ELSPBP1: variants seen among roughly 807,000 people sequenced by gnomAD.
The protein encoded by ELSPBP1 is epididymal sperm binding protein 1, also known as epididymal sperm-binding protein 1.
A neutral mutation model predicts 33.3 loss-of-function variants in ELSPBP1; 38 were observed. The ratio of observed to expected loss-of-function variants is 1.14; its 90% CI spans 0.88 to 1.50. The LOEUF (loss-of-function observed/expected upper bound fraction) is 1.50, where lower values mean the gene tolerates loss of function less well. ELSPBP1 is among the 40% of genes most tolerant of loss of function. The probability of loss-of-function intolerance (pLI) is 0.00; values close to 1 mark genes in which losing one functional copy is unlikely to be tolerated. For missense variants in ELSPBP1, 267 were observed against 263.5 expected, an observed-to-expected ratio of 1.01 and a Z score of -0.09; for synonymous variants, 85 against 94.1, an observed-to-expected ratio of 0.90 and a Z score of 0.56.
intron 1 of ELSPBP1, among the ~76,000 whole-genome samples, chr19:48,007,275 T>C (rs918597225): frequency 2.6e-5 from 4 of 152,138 alleles, no homozygotes; most frequent in Admixed American, 2.0e-4. Flanking sequence ...GCCTAAGAAC[T>C]CTGACACTAG....
In ELSPBP1 at chr19:48,011,107, AATG is replaced by A. The variant is rs1283778837; in HGVS notation, c.70+2377_70+2379del. ...TGACAACAATAATAGCGACAATGAC[AATG>A]ATGATGGTGACAGTGATGATGATGA... On this transcript the variant is annotated intron_variant, in intron 2 of 6. Transcript: ENST00000339841. This position sits in a 1 kb window ranked among gnomAD's most constrained non-coding sequence, Gnocchi z 4.5. Among the ~76,000 whole-genome samples the A allele has an allele frequency of 2.0e-5, 3 of 151,328 alleles. No individual in the cohort carries two copies. Among genetic ancestry groups the A allele is most frequent in the African/African-American group, 7.3e-5 (3 of 41,028 alleles).
intron 2 of ELSPBP1, among the ~76,000 whole-genome samples, chr19:48,012,440 T>C (rs1454692498): frequency 6.6e-6 from 1 of 152,028 alleles, no homozygotes; most frequent in Non-Finnish European, 1.5e-5. Flanking sequence ...TTTTGATATA[T>C]TTCAGGGACC....
intron 5 of ELSPBP1, among the ~76,000 whole-genome samples, chr19:48,021,688 C>T (rs1395040269): frequency 6.6e-6 from 1 of 151,808 alleles, no homozygotes; most frequent in African/African-American, 2.4e-5. Context: ...GACCTCAAGT[C>T]ATCTGCCTGC....
intron 1 of ELSPBP1, among the ~76,000 whole-genome samples, chr19:48,007,137 T>C (rs1967029016): frequency 6.6e-6 from 1 of 152,126 alleles, no homozygotes; most frequent in Non-Finnish European, 1.5e-5. Context: ...ACTAACGATC[T>C]ACAAGTGAAA....
At chr19:48,010,824 T>G (rs564947871) in intron 2 of ELSPBP1, among the ~76,000 whole-genome samples, 4 of 152,276 alleles carry the variant, frequency 2.6e-5, no homozygotes, top group African/African-American at 9.6e-5. Flanking sequence ...GTTAAGAAGA[T>G]TAGGCCATCT....
At chr19:48,018,621 T>A (rs1301579547) in intron 4 of ELSPBP1, among the ~76,000 whole-genome samples, 1 of 152,204 alleles carries the variant, frequency 6.6e-6, no homozygotes, top group Admixed American at 6.5e-5. Context: ...TAAATGTGAT[T>A]ATTAGCCCAG....
Position 48,008,718 on chromosome 19 carries a change from T to G in ELSPBP1, c.51T>G (p.Tyr17Ter). The G allele has an allele frequency of 6.2e-7, 1 of 1,613,808 alleles. No homozygotes were observed. Residue 17 changes from tyrosine (Y) to a stop codon, truncating the protein, a stop_gained, in exon 2 of 7, where the codon TAT becomes TAG. Transcript: ENST00000339841. LOFTEE classifies it high-confidence loss of function. ...YLLGWTTFLL[Y>*]SYESSGGMHE... ...TGGGATGGACAACCTTCCTTCTCTA[T>G]TCCTATGAGTCAAGTGGAGGTAAGG...
intron 3 of ELSPBP1, among the ~76,000 whole-genome samples, chr19:48,015,686 T>A (rs1395775006): frequency 6.6e-6 from 1 of 151,950 alleles, no homozygotes; most frequent in African/African-American, 2.4e-5. Flanking sequence ...GAAAAGAAAC[T>A]CACATATAAG....
intron 2 of ELSPBP1, among the ~76,000 whole-genome samples, chr19:48,013,196 T>A (rs1216366560): frequency 6.6e-6 from 1 of 152,194 alleles, no homozygotes; most frequent in Admixed American, 6.5e-5. Flanking sequence ...CAAAAAGTAT[T>A]TTGTGTAATG....
rs570694848 is a variant in ELSPBP1, at chr19:48,013,809, G to A, written c.71-362G>A. ...TAAATTTCTGTCTCCCAGTTCTGGAGGCTGAGAAGTCCAAGGGCAAGTCAC... is the reference window on the plus strand; with the variant it reads ...TAAATTTCTGTCTCCCAGTTCTGGAAGCTGAGAAGTCCAAGGGCAAGTCAC... On this transcript the variant is annotated intron_variant, in intron 2 of 6. Coordinates refer to ENST00000339841, the MANE Select transcript of ELSPBP1 (RefSeq NM_022142.5). Among the ~76,000 whole-genome samples, 5 of 152,272 alleles carry A rather than the reference G, an allele frequency of 3.3e-5. No homozygotes were observed. In the East Asian group the frequency reaches 9.7e-4, roughly 29 times the overall value.
chr19:48,015,799 G>C, intron 3 of ELSPBP1, 94 bp from the exon 4 acceptor site: 1 of 1,221,896 alleles, frequency 8.2e-7, no homozygotes, highest in Non-Finnish European at 1.2e-6. Context: ...CCTTATGTCT[G>C]TCCTGTCCTA....
chr19:48,022,179 C>T lies in ELSPBP1; in HGVS notation c.524C>T (p.Ala175Val), dbSNP rs758594292. Residue 175 changes from alanine (A) to valine (V), a missense_variant, in exon 6 of 7, where the codon GCG becomes GTG. Coordinates refer to ENST00000339841, the MANE Select transcript of ELSPBP1 (RefSeq NM_022142.5). Reference protein sequence around the residue: ...WSFCADTRISALVPGFPCHFP... With the variant: ...WSFCADTRISVLVPGFPCHFP... ...CCCTTCTGCTTCCTAGGAATTTCCG[C>T]GTTGGTCCCTGGCTTTCCTTGTCAC... The T allele has an allele frequency of 2.0e-5, 32 of 1,611,682 alleles. No individual in the cohort carries two copies. The highest frequency in any genetic ancestry group is 2.5e-6 in the Non-Finnish European group (3 of 1,179,012).
At position 48,008,674 on chromosome 19, in the gene ELSPBP1, C is replaced by T. The variant is rs767248894; in HGVS notation, c.7C>T (p.Arg3Ter). The T allele has an allele frequency of 8.1e-6, 13 of 1,613,442 alleles. No homozygotes were observed. Among genetic ancestry groups the T allele is most frequent in the South Asian group, 3.3e-5 (3 of 91,014 alleles). Residue 3 changes from arginine to a stop codon, truncating the protein, a stop_gained, in exon 2 of 7, where the codon CGA becomes TGA. Coordinates refer to ENST00000339841, the MANE Select transcript of ELSPBP1 (RefSeq NM_022142.5). LOFTEE classifies it high-confidence loss of function. MT[R>*]WSSYLLGWTT... is the part of the protein sequence containing the mutation. The stretch of plus-strand genomic sequence containing the variant: ...AGAGAAGAGGGCAGCCAAGATGACC[C>T]GATGGTCCAGTTACCTGTTGGGATG...
chr19:48,023,535 G>A (rs1568409622), intron 6 of ELSPBP1, among the ~76,000 whole-genome samples: 1 of 59,678 alleles, frequency 1.7e-5, no homozygotes, highest in African/African-American at 4.2e-5. Context: ...AAGGGAGGAA[G>A]GAAAGAAGGA....
At chr19:48,017,630 C>T (rs1236140218) in intron 4 of ELSPBP1, among the ~76,000 whole-genome samples, 1 of 152,044 alleles carries the variant, frequency 6.6e-6, no homozygotes. Context: ...GTGGCTCATG[C>T]CTGTAATCCC....
Position 48,016,035 on chromosome 19 carries a change from G to A in ELSPBP1, c.351G>A (p.Thr117=), listed in dbSNP as rs1276767986. Reference sequence around the variant, plus strand: ...AACAGCAGTGGAAATTCTGTGAAACGAATGGTGAGCCCCTGTAGCAGGGAT... The same window carrying A: ...AACAGCAGTGGAAATTCTGTGAAACAAATGGTGAGCCCCTGTAGCAGGGAT... ...DEKQQWKFCE[T]NEYGGNSLRK... Residue 117 remains threonine, a synonymous_variant, in exon 4 of 7, where the codon ACG becomes ACA. Coordinates refer to ENST00000339841, the MANE Select transcript of ELSPBP1 (RefSeq NM_022142.5). The A allele has an allele frequency of 8.7e-6, 14 of 1,612,992 alleles. No individual in the cohort carries two copies. The highest frequency in any genetic ancestry group is 4.5e-5 in the East Asian group (2 of 44,888).
rs567763542 is a variant in ELSPBP1, at chr19:48,006,409, T to C, written c.-17-2242T>C. Among the ~76,000 whole-genome samples the C allele has an allele frequency of 4.0e-5, 6 of 150,748 alleles. No homozygotes were observed. The South Asian group carries it at 8.4e-4, about 21-fold the overall frequency. ...CGGGTGGATCATTTGAGGTCAGGAG[T>C]TCAAGACCAGCCTGGCCAACGTGGT... On this transcript the variant is annotated intron_variant, in intron 1 of 6. Transcript: ENST00000339841.
At chr19:48,012,379 A>G (rs1029988790) in intron 2 of ELSPBP1, among the ~76,000 whole-genome samples, 1 of 152,018 alleles carries the variant, frequency 6.6e-6, no homozygotes, top group Non-Finnish European at 1.5e-5. Context: ...CAGCCTCCCA[A>G]AGTGCTGGGA....
intron 4 of ELSPBP1, 41 bp from the exon 5 acceptor site, chr19:48,019,678 C>T (rs1176212217): frequency 1.9e-6 from 3 of 1,580,662 alleles, no homozygotes; most frequent in Non-Finnish European, 1.7e-6. Context: ...CTCTTTTCAT[C>T]TCCTCTTCTT....
Sources: gnomAD v4.1 joint callset for allele counts (sites outside exome capture counted in the v4.1 genomes callset) on GRCh38, gnomAD v4.1.1 for gene constraint, Gnocchi (gnomAD v3.1) non-coding constraint, MANE v1.5 for transcripts, NCBI Gene and HGNC (gene_info 2026-07-23, HGNC 2026-07-21) for gene names.